The following PCP4 variants were observed in gnomAD, a reference collection of about 807,000 sequenced individuals.
PCP4 encodes Purkinje cell protein 4, also known as calmodulin regulator protein PCP4.
A neutral mutation model predicts 10.0 loss-of-function variants in PCP4; 8 were observed. That is an observed-to-expected ratio of 0.80 (90% CI 0.47 to 1.45). The LOEUF (loss-of-function observed/expected upper bound fraction) is 1.45. Among genes scored for constraint, PCP4 ranks in the 40% most tolerant of loss-of-function variants. The probability of loss-of-function intolerance (pLI) is 0.00; values close to 1 mark genes in which losing one functional copy is unlikely to be tolerated. For missense variants in PCP4, 54 were observed against 74.4 expected (o/e 0.73, Z 1.01); for synonymous variants, 21 against 23.0 (o/e 0.91, Z 0.24).
chr21:39,891,439 C>T (rs1256899346), intron 1 of PCP4, among the ~76,000 whole-genome samples: 2 of 152,216 alleles, frequency 1.3e-5, no homozygotes, highest in South Asian at 2.1e-4. Flanking sequence ...GGAATTGGTG[C>T]TCTGTGGAGC....
chr21:39,898,135 G>A (rs753413597), intron 1 of PCP4, among the ~76,000 whole-genome samples: 1 of 151,630 alleles, frequency 6.6e-6, no homozygotes, highest in Non-Finnish European at 1.5e-5. Context: ...ACAAAATGAC[G>A]CATTAACAAT....
chr21:39,887,229 C>T (rs1014045144), intron 1 of PCP4, among the ~76,000 whole-genome samples: 1 of 151,904 alleles, frequency 6.6e-6, no homozygotes, highest in Non-Finnish European at 1.5e-5. Context: ...GTATTTGAGG[C>T]AGAATTTCAG....
chr21:39,893,982 T>A (rs1011428424), intron 1 of PCP4, among the ~76,000 whole-genome samples: 5 of 152,142 alleles, frequency 3.3e-5, no homozygotes, highest in Non-Finnish European at 7.3e-5. Flanking sequence ...TCTTCTAGAC[T>A]CTTTGGTGAG....
chr21:39,881,452 A>C (rs552285299), intron 1 of PCP4, among the ~76,000 whole-genome samples: 6 of 152,168 alleles, frequency 3.9e-5, no homozygotes, highest in Non-Finnish European at 7.3e-5. Flanking sequence ...TAAACACATG[A>C]AAAACACATT....
intron 1 of PCP4, among the ~76,000 whole-genome samples, chr21:39,877,252 T>C (rs926791450): frequency 4.6e-5 from 7 of 152,212 alleles, no homozygotes; most frequent in Non-Finnish European, 1.0e-4. Context: ...ACAGAAATCT[T>C]GACAAAGCCA....
At chr21:39,888,148 T>C (rs2087409854) in intron 1 of PCP4, among the ~76,000 whole-genome samples, 1 of 152,168 alleles carries the variant, frequency 6.6e-6, no homozygotes, top group South Asian at 2.1e-4. Flanking sequence ...AAAAATAACT[T>C]ACGAGAAGAC....
intron 2 of PCP4, among the ~76,000 whole-genome samples, chr21:39,908,740 G>A (rs1380517181): frequency 2.0e-5 from 3 of 152,292 alleles, no homozygotes; most frequent in Middle Eastern, 3.4e-3. Flanking sequence ...TGGAGTAGCT[G>A]CTACTGTGCC....
At chr21:39,920,286 G>GAT (rs149149120) in intron 2 of PCP4, among the ~76,000 whole-genome samples, 1 of 142,424 alleles carries the variant, frequency 7.0e-6, no homozygotes, top group Non-Finnish European at 1.5e-5. Context: ...TAGTGTGTGT[G>GAT]GTGTGTGTGT....
At chr21:39,917,425 C>T (rs1001429470) in intron 2 of PCP4, among the ~76,000 whole-genome samples, 1 of 152,212 alleles carries the variant, frequency 6.6e-6, no homozygotes, top group East Asian at 1.9e-4. Flanking sequence ...ACTTCCACCC[C>T]TGAGACATCG....
intron 2 of PCP4, among the ~76,000 whole-genome samples, chr21:39,914,777 A>G (rs1008738441): frequency 6.6e-6 from 1 of 152,162 alleles, no homozygotes; most frequent in African/African-American, 2.4e-5. Flanking sequence ...GGGGAACTGT[A>G]TGAAATTCTC....
In PCP4 at chr21:39,878,034, C is replaced by T. The variant is rs543277621; in HGVS notation, c.9+10524C>T. 1.7e-4 allele frequency among the ~76,000 whole-genome samples: 25 copies of T among 143,330 alleles called. No homozygotes were observed. In the East Asian group the frequency reaches 5.1e-3, roughly 29 times the overall value. The allele number at this position is 143,330 out of a possible 152,430, so 94.0% of individuals were successfully genotyped here. The stretch of plus-strand genomic sequence containing the variant: ...GAGAGAGAGATTATGTCTTCTATAC[C>T]GTTTCATCTTCCCAGCACTATATCA... On this transcript the variant is annotated intron_variant, in intron 1 of 2. Coordinates refer to ENST00000328619, the MANE Select transcript of PCP4 (RefSeq NM_006198.3).
At chr21:39,908,660 T>G (rs1443272803) in intron 2 of PCP4, among the ~76,000 whole-genome samples, 5 of 152,086 alleles carry the variant, frequency 3.3e-5, no homozygotes, top group African/African-American at 1.2e-4. Context: ...ACTCCCCAGC[T>G]GCCTCGGCCC....
chr21:39,882,943 A>T (rs542558167), intron 1 of PCP4, among the ~76,000 whole-genome samples: 52 of 152,340 alleles, frequency 3.4e-4, no homozygotes, highest in Non-Finnish European at 3.8e-4. Flanking sequence ...GTGAGAATAT[A>T]ACCTTGTAAT....
intron 1 of PCP4, among the ~76,000 whole-genome samples, chr21:39,895,930 G>T (rs566623582): frequency 5.9e-5 from 9 of 152,332 alleles, no homozygotes; most frequent in African/African-American, 2.2e-4. Context: ...ATTCTGAAAT[G>T]AGATACTTTC....
chr21:39,929,020 A>G lies in PCP4; in HGVS notation c.98A>G (p.Asp33Gly). 6.2e-7 allele frequency: 1 copy of G among 1,613,216 alleles called. No individual in the cohort carries two copies. The highest frequency in any genetic ancestry group is 8.5e-7 in the Non-Finnish European group (1 of 1,179,592). Residue 33 changes from aspartate (D) to glycine (G), a missense_variant, in exon 3 of 3, where the codon GAC becomes GGC. By Grantham distance (94) the Asp-to-Gly change is moderately conservative (BLOSUM62 -1). Coordinates refer to ENST00000328619, the MANE Select transcript of PCP4 (RefSeq NM_006198.3). ...QKKVQEEFDI[D>G]MDAPETERAA... Reference sequence around the variant, plus strand: ...AAAGTTCAAGAAGAATTTGACATTGACATGGATGCACCAGAGACAGAACGT... The same window carrying G: ...AAAGTTCAAGAAGAATTTGACATTGGCATGGATGCACCAGAGACAGAACGT...
At chr21:39,919,752 TG>T (rs1237886199) in intron 2 of PCP4, among the ~76,000 whole-genome samples, 63 of 150,112 alleles carry the variant, frequency 4.2e-4, no homozygotes, top group African/African-American at 1.5e-3. Flanking sequence ...GTGTGTGGTG[TG>T]TAATGTGTAT....
intron 1 of PCP4, among the ~76,000 whole-genome samples, chr21:39,873,330 C>T (rs756075593): frequency 4.3e-4 from 65 of 151,964 alleles, no homozygotes; most frequent in African/African-American, 1.9e-4. Flanking sequence ...ATCTAGCACG[C>T]GGAAAGCAAG....
At chr21:39,868,853 G>C (rs1312460760) in intron 1 of PCP4, among the ~76,000 whole-genome samples, 1 of 152,140 alleles carries the variant, frequency 6.6e-6, no homozygotes, top group East Asian at 1.9e-4. Flanking sequence ...AAATGTGTAT[G>C]GAATTTGCTG....
intron 2 of PCP4, among the ~76,000 whole-genome samples, chr21:39,901,938 C>G (rs1409378912): frequency 6.6e-6 from 1 of 152,048 alleles, no homozygotes; most frequent in East Asian, 1.9e-4. Flanking sequence ...TAGAAGTAAT[C>G]TAAAAAACAT....
Sources: allele counts gnomAD v4.1 joint callset (sites outside exome capture counted in the v4.1 genomes callset), GRCh38; gene constraint gnomAD v4.1.1; transcripts MANE v1.5; gene names NCBI Gene and HGNC (gene_info 2026-07-23, HGNC 2026-07-21).